Variants in COL24A1 observed in about 807,000 individuals in gnomAD.
COL24A1 encodes the protein collagen alpha-1(XXIV) chain.
COL24A1 carries 224 observed loss-of-function variants against 253.9 expected under a neutral mutation model. The observed-to-expected ratio is 0.88, with a 90% CI of 0.79 to 0.99. The LOEUF (loss-of-function observed/expected upper bound fraction) is 0.99, where lower values mean the gene tolerates loss of function less well. COL24A1 is among the 50% of genes least tolerant of loss of function. The pLI is 0.00. For synonymous variants in COL24A1, 685 were observed against 673.7 expected, an observed-to-expected ratio of 1.02 and a Z score of -0.26; for missense variants, 2,131 against 2,068.5, an observed-to-expected ratio of 1.03 and a Z score of -0.59.
chr1:85,905,964 T>C (rs781697983), intron 28 of COL24A1, among the ~76,000 whole-genome samples: 1 of 152,094 alleles, frequency 6.6e-6, no homozygotes, highest in African/African-American at 2.4e-5. Flanking sequence ...CCTAACTAAA[T>C]ATTGAATGCT....
Position 85,823,589 on chromosome 1 carries a change from C to G in COL24A1, c.3736G>C (p.Gly1246Arg). The change falls in exon 45 of 60, where the codon GGC becomes CGC. Residue 1246 changes from glycine to arginine, a missense_variant and splice_region_variant. Physicochemically the swap from Gly to Arg is moderately radical, Grantham distance 125 (BLOSUM62 -2). Transcript: ENST00000370571. Reference sequence around the variant, plus strand: ...TGTTCACCCTGGTCACCTGGTTCGCCCTTTAGTAGAAACCAAAATAAAAAT... The same window carrying G: ...TGTTCACCCTGGTCACCTGGTTCGCGCTTTAGTAGAAACCAAAATAAAAAT... ...RGATGQQGPP[G>R]EPGDQGEQGL... 9.3e-6 allele frequency: 15 copies of G among 1,613,870 alleles called. No homozygotes were observed. The highest frequency in any genetic ancestry group is 1.2e-5 in the Non-Finnish European group (14 of 1,179,924).
chr1:85,824,835 A>G (rs2102003786), intron 43 of COL24A1, among the ~76,000 whole-genome samples: 1 of 152,244 alleles, frequency 6.6e-6, no homozygotes, highest in East Asian at 1.9e-4. Context: ...GCCTTAGGAA[A>G]GAGTTATCAG....
chr1:85,895,110 A>G (rs1683539778), intron 31 of COL24A1, among the ~76,000 whole-genome samples: 1 of 152,172 alleles, frequency 6.6e-6, no homozygotes, highest in African/African-American at 2.4e-5. Context: ...ATGTGCTCAC[A>G]TACATGTACT....
chr1:85,763,899 C>T (rs1056528536), intron 53 of COL24A1, among the ~76,000 whole-genome samples: 1 of 152,180 alleles, frequency 6.6e-6, no homozygotes, highest in Non-Finnish European at 1.5e-5. Context: ...TCTCTTTTCA[C>T]TTTATCCCAG....
At chr1:85,815,813 C>T (rs1029090660) in intron 47 of COL24A1, among the ~76,000 whole-genome samples, 2 of 151,894 alleles carry the variant, frequency 1.3e-5, no homozygotes, top group Non-Finnish European at 1.5e-5. Context: ...GTGGTTAATT[C>T]GTCTAATGTT....
At chr1:85,944,280 A>G (rs1196777012) in intron 24 of COL24A1, among the ~76,000 whole-genome samples, 1 of 152,138 alleles carries the variant, frequency 6.6e-6, no homozygotes, top group African/African-American at 2.4e-5. Context: ...TGACCTATTT[A>G]TTTATGAATA....
chr1:85,908,279 C>T (rs1450567744), intron 27 of COL24A1, among the ~76,000 whole-genome samples: 3 of 151,686 alleles, frequency 2.0e-5, no homozygotes, highest in Admixed American at 1.3e-4. Context: ...GAAGCTTACA[C>T]TTGTAATTTA....
chr1:86,125,479 T>G lies in COL24A1; in HGVS notation c.857A>C (p.Glu286Ala). 1.2e-6 allele frequency: 2 copies of G among 1,613,690 alleles called. No homozygotes were observed. The highest frequency in any genetic ancestry group is 1.7e-6 in the Non-Finnish European group (2 of 1,179,792). Residue 286 changes from glutamate (E) to alanine (A), a missense_variant, in exon 3 of 60, where the codon GAA becomes GCA. Glu to Ala is a moderately radical substitution (Grantham distance 107, BLOSUM62 -1). Coordinates refer to ENST00000370571, the MANE Select transcript of COL24A1 (RefSeq NM_152890.7). Reference protein sequence around the residue: ...EKVLSEDTFTEGKSIPNIIKN... With the variant: ...EKVLSEDTFTAGKSIPNIIKN... ...TATGATATTTGGAATGCTTTTGCCTTCAGTAAATGTATCCTCTGACAGTAC... is the reference window on the plus strand; with the variant it reads ...TATGATATTTGGAATGCTTTTGCCTGCAGTAAATGTATCCTCTGACAGTAC...
At chr1:85,733,403 T>C (rs1663713018) in intron 59 of COL24A1, among the ~76,000 whole-genome samples, 2 of 152,198 alleles carry the variant, frequency 1.3e-5, no homozygotes, top group Non-Finnish European at 2.9e-5. Flanking sequence ...TCTGCCATTG[T>C]AGTGCCATAA....
rs1366175185 is a variant in COL24A1, at chr1:86,156,524, G to T, written c.-128C>A. On this transcript the variant is annotated 5_prime_UTR_variant, in exon 1 of 60. Transcript: ENST00000370571. ...CACATGAAAACCATGCTTCAAACCC[G>T]CAACAAGAAAAAAAGGAGGGGAGGG... The T allele has an allele frequency of 2.5e-6, 2 of 797,986 alleles. No individual in the cohort carries two copies. Among genetic ancestry groups the T allele is most frequent in the Non-Finnish European group, 3.6e-6 (2 of 548,990 alleles). The allele number at this position is 797,986 out of a possible 1,614,324, so 49.4% of individuals were successfully genotyped here.
intron 28 of COL24A1, among the ~76,000 whole-genome samples, chr1:85,903,283 G>A (rs1225727902): frequency 6.6e-6 from 1 of 152,136 alleles, no homozygotes; most frequent in East Asian, 1.9e-4. Context: ...GCTGGCAGAA[G>A]AACTCTAGGA....
intron 20 of COL24A1, among the ~76,000 whole-genome samples, chr1:85,986,207 C>CT (rs986523660): frequency 4.0e-5 from 6 of 151,628 alleles, no homozygotes; most frequent in African/African-American, 7.2e-5. Flanking sequence ...GATCAGGACT[C>CT]TTTTTTTTCT....
At chr1:85,875,252 T>A (rs747165121) in intron 34 of COL24A1, 25 bp downstream of exon 34, 1 of 1,606,440 alleles carries the variant, frequency 6.2e-7, no homozygotes, top group East Asian at 2.2e-5. Context: ...GTTTAGAGAT[T>A]CTCCTTTATT....
chr1:86,006,494 C>A (rs1442245476), intron 19 of COL24A1, among the ~76,000 whole-genome samples: 1 of 152,172 alleles, frequency 6.6e-6, no homozygotes, highest in Non-Finnish European at 1.5e-5. Flanking sequence ...AGACCTTACA[C>A]CTGTCACAAA....
intron 39 of COL24A1, among the ~76,000 whole-genome samples, chr1:85,842,670 T>C (rs1676744981): frequency 6.6e-6 from 1 of 152,162 alleles, no homozygotes; most frequent in Non-Finnish European, 1.5e-5. Context: ...AGAATCCTGC[T>C]GCTCCCTAAC....
chr1:85,882,968 C>T (rs182819690), intron 32 of COL24A1, among the ~76,000 whole-genome samples: 1 of 152,142 alleles, frequency 6.6e-6, no homozygotes, highest in Non-Finnish European at 1.5e-5. Context: ...TCATATTTCA[C>T]ATGGATTTCT....
intron 1 of COL24A1, among the ~76,000 whole-genome samples, chr1:86,148,887 A>G (rs1036399680): frequency 4.6e-5 from 7 of 152,092 alleles, no homozygotes; most frequent in African/African-American, 1.7e-4. Context: ...GCTGGGTCAA[A>G]TGGTATTTCT....
chr1:85,806,840 T>G (rs1210122164), intron 47 of COL24A1, among the ~76,000 whole-genome samples: 1 of 152,250 alleles, frequency 6.6e-6, no homozygotes, highest in Non-Finnish European at 1.5e-5. Context: ...TGTTGGCCAG[T>G]GCCTTACCAA....
chr1:85,924,785 C>A (rs1250091293), intron 24 of COL24A1, among the ~76,000 whole-genome samples: 4 of 152,174 alleles, frequency 2.6e-5, no homozygotes, highest in Admixed American at 6.5e-5. Flanking sequence ...CCTCTCTCAC[C>A]ACTCTTATTC....
Sources: gnomAD v4.1 joint callset for allele counts (sites outside exome capture counted in the v4.1 genomes callset) on GRCh38, gnomAD v4.1.1 for gene constraint, MANE v1.5 for transcripts, NCBI Gene and HGNC (gene_info 2026-07-23, HGNC 2026-07-21) for gene names.